DTNA: variants seen among roughly 807,000 people sequenced by gnomAD.
DTNA encodes dystrophin-related protein 3.
DTNA carries 43 observed loss-of-function variants against 100.7 expected under a neutral mutation model. The observed-to-expected ratio is 0.43, with a 90% confidence interval of 0.33 to 0.55. The LOEUF (loss-of-function observed/expected upper bound fraction) is 0.55, where lower values mean the gene tolerates loss of function less well. Ranked by LOEUF, DTNA falls within the 20% of genes least tolerant of loss-of-function variation. The pLI, the probability that DTNA is intolerant of heterozygous loss-of-function variation, is 0.04. For synonymous variants in DTNA, 349 were observed against 347.9 expected, an observed-to-expected ratio of 1.00 and a Z score of -0.04; for missense variants, 798 against 953.9, an observed-to-expected ratio of 0.84 and a Z score of 2.15.
chr18:34,880,075 T>C (rs1435411501), intron 20 of DTNA, among the ~76,000 whole-genome samples: 5 of 152,194 alleles, frequency 3.3e-5, no homozygotes, highest in African/African-American at 9.6e-5. Flanking sequence ...TCTGAACTTA[T>C]TGTATTTGCA....
intron 1 of DTNA, among the ~76,000 whole-genome samples, chr18:34,683,111 A>G (rs2078359569): frequency 6.6e-6 from 1 of 152,188 alleles, no homozygotes; most frequent in Non-Finnish European, 1.5e-5. Context: ...ATTTAAATCT[A>G]AAGCTTCTGA....
chr18:34,845,546 T>C (rs2096361483), intron 13 of DTNA, among the ~76,000 whole-genome samples: 1 of 152,166 alleles, frequency 6.6e-6, no homozygotes, highest in Non-Finnish European at 1.5e-5. Context: ...TTCCTGGGCC[T>C]GGAGCAATGG....
intron 1 of DTNA, among the ~76,000 whole-genome samples, chr18:34,670,146 A>G (rs888620697): frequency 4.0e-5 from 6 of 151,884 alleles, no homozygotes; most frequent in Non-Finnish European, 7.4e-5. Flanking sequence ...TTTTTTCTCT[A>G]AACTTCTTGC....
intron 1 of DTNA, among the ~76,000 whole-genome samples, chr18:34,702,089 C>A (rs950357600): frequency 1.3e-5 from 2 of 152,178 alleles, no homozygotes; most frequent in African/African-American, 4.8e-5. Flanking sequence ...GTGACCCTGT[C>A]CCCATCTGCA....
intron 16 of DTNA, among the ~76,000 whole-genome samples, chr18:34,859,355 A>C (rs1339285693): frequency 1.3e-5 from 2 of 152,216 alleles, no homozygotes; most frequent in Non-Finnish European, 2.9e-5. Flanking sequence ...ACAGAGTAGG[A>C]GCCAGCTCCC....
intron 17 of DTNA, among the ~76,000 whole-genome samples, chr18:34,864,889 G>A (rs940942500): frequency 6.6e-6 from 1 of 152,196 alleles, no homozygotes; most frequent in Non-Finnish European, 1.5e-5. Flanking sequence ...GTAGAGTGCT[G>A]TAATCTATTT....
chr18:34,807,100 A>G (rs2095381980), intron 5 of DTNA, among the ~76,000 whole-genome samples: 1 of 152,210 alleles, frequency 6.6e-6, no homozygotes. Flanking sequence ...GTCCCACCCC[A>G]AGAATTTCTG....
chr18:34,807,520 G>A (rs2095390790), intron 5 of DTNA, among the ~76,000 whole-genome samples: 1 of 152,104 alleles, frequency 6.6e-6, no homozygotes, highest in South Asian at 2.1e-4. Context: ...CCACCCAAAA[G>A]GAAAGAATAA....
chr18:34,608,795 A>G (rs529099853), intron 1 of DTNA, among the ~76,000 whole-genome samples: 13 of 152,292 alleles, frequency 8.5e-5, no homozygotes, highest in Admixed American at 7.8e-4. Context: ...TCTTTCTTCA[A>G]TCAACCATGC....
chr18:34,846,234 G>A (rs2149832975), intron 13 of DTNA, among the ~76,000 whole-genome samples: 1 of 152,122 alleles, frequency 6.6e-6, no homozygotes, highest in Non-Finnish European at 1.5e-5. Flanking sequence ...AGATCCCTAG[G>A]TGATATGCTT....
chr18:34,581,238 A>C (rs569899629), intron 1 of DTNA, among the ~76,000 whole-genome samples: 51 of 144,788 alleles, frequency 3.5e-4, no homozygotes, highest in Non-Finnish European at 6.7e-4. Flanking sequence ...ACAGAGCGAG[A>C]TTGGGTCTCA....
At chr18:34,721,367 G>A (rs1360642377) in intron 1 of DTNA, among the ~76,000 whole-genome samples, 1 of 152,090 alleles carries the variant, frequency 6.6e-6, no homozygotes, top group Non-Finnish European at 1.5e-5. Context: ...TATTTAATAA[G>A]TGTTAACTGC....
chr18:34,683,171 C>T (rs1600136703), intron 1 of DTNA, among the ~76,000 whole-genome samples: 1 of 152,148 alleles, frequency 6.6e-6, no homozygotes, highest in Non-Finnish European at 1.5e-5. Context: ...TCTGACCTCT[C>T]TCTTTTAGTA....
chr18:34,502,205 C>A (rs1166843689), intron 1 of DTNA, among the ~76,000 whole-genome samples: 1 of 152,162 alleles, frequency 6.6e-6, no homozygotes, highest in Non-Finnish European at 1.5e-5. Flanking sequence ...TCTGCATGGT[C>A]TTTAGTGCTA....
chr18:34,838,484 T>C (rs924952593), intron 12 of DTNA, among the ~76,000 whole-genome samples: 2 of 152,208 alleles, frequency 1.3e-5, no homozygotes, highest in Non-Finnish European at 2.9e-5. Context: ...TTGGCCTTAG[T>C]GGTTGAAAAA....
chr18:34,777,134 C>T (rs1466358057), intron 3 of DTNA, among the ~76,000 whole-genome samples: 1 of 152,168 alleles, frequency 6.6e-6, no homozygotes. Flanking sequence ...ATACGCTATG[C>T]TATGTAATTT....
chr18:34,679,825 A>G (rs2077841131), intron 1 of DTNA, among the ~76,000 whole-genome samples: 1 of 152,144 alleles, frequency 6.6e-6, no homozygotes, highest in South Asian at 2.1e-4. Context: ...TATTATTATC[A>G]GAAACCATCT....
chr18:34,859,371 C>T (rs1479279808), intron 16 of DTNA, among the ~76,000 whole-genome samples: 1 of 152,198 alleles, frequency 6.6e-6, no homozygotes, highest in Non-Finnish European at 1.5e-5. Flanking sequence ...CTCCCGTAAG[C>T]GGTTCAAGAG....
chr18:34,836,131 G>A (rs544398511), intron 11 of DTNA, among the ~76,000 whole-genome samples: 3 of 152,296 alleles, frequency 2.0e-5, no homozygotes, highest in East Asian at 3.9e-4. Flanking sequence ...TGCTTCAGTA[G>A]ACAAAGTCTG....
Sources: allele counts gnomAD v4.1 joint callset (sites outside exome capture counted in the v4.1 genomes callset), GRCh38; gene constraint gnomAD v4.1.1; transcripts MANE v1.5; gene names NCBI Gene and HGNC (gene_info 2026-07-23, HGNC 2026-07-21).